SEC23B: variants seen among roughly 807,000 people sequenced by gnomAD.
The protein encoded by SEC23B is protein transport protein Sec23B.
A neutral mutation model predicts 104.3 loss-of-function variants in SEC23B; 77 were observed. The ratio of observed to expected loss-of-function variants is 0.74; its 90% confidence interval spans 0.61 to 0.89. SEC23B has a LOEUF of 0.89. Ranked by LOEUF, SEC23B falls within the 40% of genes least tolerant of loss-of-function variation. The pLI, the probability that SEC23B is intolerant of heterozygous loss-of-function variation, is 0.00. For missense variants in SEC23B, 885 were observed against 949.4 expected, an observed-to-expected ratio of 0.93 and a Z score of 0.89; for synonymous variants, 338 against 332.5, an observed-to-expected ratio of 1.02 and a Z score of -0.18.
At chr20:18,532,462 T>A (rs1427595738) in intron 10 of SEC23B, among the ~76,000 whole-genome samples, 1 of 152,204 alleles carries the variant, frequency 6.6e-6, no homozygotes, top group East Asian at 1.9e-4. Flanking sequence ...TTTCAAGTGT[T>A]TCTAAGGGTG....
chr20:18,507,919 G>A (rs2059944503), upstream of SEC23B: 1 of 152,622 alleles, frequency 6.6e-6, no homozygotes, highest in Middle Eastern at 3.2e-3. Flanking sequence ...TGGACTTGGC[G>A]GTGGGAGCCG....
chr20:18,526,396 C>T lies in SEC23B; in HGVS notation c.858C>T (p.Ala286=). 1 of 1,614,150 alleles carries T rather than the reference C, an allele frequency of 6.2e-7. No individual in the cohort carries two copies. ...LLEGTFPNTG[A]RIMLFTGGPP... is the part of the protein sequence containing the mutation. ...AGGGCACTTTTCCAAACACAGGAGC[C>T]AGGATCATGCTGTTTACTGGAGGTC... The change falls in exon 8 of 20, where the codon GCC becomes GCT. Residue 286 remains alanine, a synonymous_variant. Transcript: ENST00000650089.
In SEC23B at chr20:18,543,002, AACTC is replaced by A. The variant is rs1282219359; in HGVS notation, c.1512-16_1512-13del. On this transcript the variant is annotated splice_polypyrimidine_tract_variant and intron_variant, in intron 13 of 19. Transcript: ENST00000650089. ...CTCTCCTAAACATAAGCATGGCACT[AACTC>A]TGGAATTGTCAGTTGGGCAGATGTA... 2.5e-6 allele frequency: 4 copies of A among 1,614,044 alleles called. No homozygotes were observed. Among genetic ancestry groups the A allele is most frequent in the Middle Eastern group, 3.3e-4 (2 of 6,062 alleles).
rs368413002 is a variant in SEC23B at position 18,515,698 on chromosome 20, T to C, written c.328T>C (p.Leu110=). 2.3e-5 allele frequency: 37 copies of C among 1,612,120 alleles called. 1 individual carries two copies. The highest frequency in any genetic ancestry group is 8.3e-5 in the Admixed American group (5 of 60,008). The part of the protein sequence containing the change: ...GISEVNQPAE[L]MPQFSTIEYV... ...ATCTGAGGTGAATCAACCTGCCGAA[T>C]TGATGCCCCAGTTTTCTACAATTGA... The change falls in exon 4 of 20, where the codon TTG becomes CTG. Residue 110 remains leucine, a synonymous_variant. Coordinates refer to ENST00000650089, the MANE Select transcript of SEC23B (RefSeq NM_006363.6).
chr20:18,522,451 G>C (rs998226946), intron 4 of SEC23B, among the ~76,000 whole-genome samples: 1 of 152,238 alleles, frequency 6.6e-6, no homozygotes, highest in Admixed American at 6.5e-5. Context: ...AGGACAGGGA[G>C]ATTGAAGGGT....
At chr20:18,510,789 A>G (rs1484958959) in intron 1 of SEC23B, 33 bp from the exon 2 acceptor site, 1 of 1,491,890 alleles carries the variant, frequency 6.7e-7, no homozygotes, top group East Asian at 2.3e-5. Flanking sequence ...AGAATTTCAC[A>G]TACCATTAAG....
chr20:18,550,125 TTA>T (rs2080488504), intron 16 of SEC23B, among the ~76,000 whole-genome samples: 1 of 148,366 alleles, frequency 6.7e-6, no homozygotes, highest in Non-Finnish European at 1.5e-5. Flanking sequence ...AATTATATAC[TTA>T]TATAATATAA....
At chr20:18,511,128 A>G in intron 2 of SEC23B, 72 bp downstream of exon 2, 2 of 1,308,234 alleles carry the variant, frequency 1.5e-6, no homozygotes, top group Non-Finnish European at 2.2e-6. Context: ...TGCTCATAAA[A>G]GTCATTAAAT....
Position 18,544,901 on chromosome 20 carries a change from A to G in SEC23B, c.1666-1055A>G, listed in dbSNP as rs111391364. Among the ~76,000 whole-genome samples, 1,117 of 145,616 alleles carry G rather than the reference A, an allele frequency of 7.7e-3. 9 individuals carry two copies. The highest frequency in any genetic ancestry group is 0.012 in the Non-Finnish European group (811 of 65,464). On this transcript the variant is annotated intron_variant, in intron 14 of 19. Transcript: ENST00000650089. The stretch of plus-strand genomic sequence containing the variant: ...GTGTAAAGTCAAAAACCAAAAAGTC[A>G]GCACTGAATGACATTTCACACATGG...
chr20:18,555,476 C>G (rs973521869), intron 19 of SEC23B, among the ~76,000 whole-genome samples: 5 of 152,022 alleles, frequency 3.3e-5, no homozygotes, highest in Non-Finnish European at 5.9e-5. Flanking sequence ...AGCCTCATGG[C>G]CCCTAGTCCT....
chr20:18,555,678 A>AT (rs1491299662), intron 19 of SEC23B, among the ~76,000 whole-genome samples: 3 of 152,014 alleles, frequency 2.0e-5, no homozygotes, highest in Non-Finnish European at 4.4e-5. Context: ...TTTAAATTAA[A>AT]TTTTTTTGAG....
chr20:18,527,766 C>A (rs2060147146), intron 9 of SEC23B, among the ~76,000 whole-genome samples, 155 bp downstream of exon 9: 1 of 152,092 alleles, frequency 6.6e-6, no homozygotes, highest in African/African-American at 2.4e-5. Context: ...CCTGTGGGCT[C>A]CTTGGAGAGG....
chr20:18,537,561 G>T (rs2060244926), intron 12 of SEC23B, among the ~76,000 whole-genome samples: 1 of 151,882 alleles, frequency 6.6e-6, no homozygotes. Flanking sequence ...ACAGGAAGGG[G>T]AACATCACAC....
intron 13 of SEC23B, 54 bp downstream of exon 13, chr20:18,542,456 G>A (rs866859004): frequency 7.0e-7 from 1 of 1,425,186 alleles, no homozygotes; most frequent in Non-Finnish European, 9.9e-7. Context: ...TTTTTCCCTT[G>A]AAGAGATACT....
chr20:18,544,216 A>C (rs1219141024), intron 14 of SEC23B, among the ~76,000 whole-genome samples: 1 of 152,244 alleles, frequency 6.6e-6, no homozygotes, highest in African/African-American at 2.4e-5. Flanking sequence ...GTTTGTGATC[A>C]AAGCCACCAT....
Position 18,512,214 on chromosome 20 carries a change from CT to C in SEC23B, c.222-8del. 1 of 1,557,042 alleles carries C rather than the reference CT, an allele frequency of 6.4e-7. No homozygotes were observed. Among genetic ancestry groups the C allele is most frequent in the African/African-American group, 1.4e-5 (1 of 73,858 alleles). On this transcript the variant is annotated splice_polypyrimidine_tract_variant and intron_variant, in intron 2 of 19. Transcript: ENST00000650089. ...AGTGGTACCTACTTATAATATTTATCTTTCTCACAGTCAGGTTGATTATCGA... is the reference window on the plus strand; with the variant it reads ...AGTGGTACCTACTTATAATATTTATCTTCTCACAGTCAGGTTGATTATCGA...
intron 16 of SEC23B, among the ~76,000 whole-genome samples, chr20:18,549,134 G>A (rs2060362222): frequency 6.6e-6 from 1 of 151,900 alleles, no homozygotes; most frequent in Admixed American, 6.6e-5. Context: ...TATAATAGAG[G>A]ATCAAATAAC....
intron 12 of SEC23B, among the ~76,000 whole-genome samples, chr20:18,536,579 C>T (rs1189284335): frequency 1.3e-5 from 2 of 151,948 alleles, no homozygotes; most frequent in Admixed American, 1.3e-4. Flanking sequence ...GTAGTCCCAG[C>T]TACTTGGGAG....
At chr20:18,559,334 A>G (rs1291202358) in intron 19 of SEC23B, among the ~76,000 whole-genome samples, 1 of 152,144 alleles carries the variant, frequency 6.6e-6, no homozygotes, top group African/African-American at 2.4e-5. Flanking sequence ...GCGGAGGGAC[A>G]TATATTTTGC....
Sources: allele counts gnomAD v4.1 joint callset (sites outside exome capture counted in the v4.1 genomes callset), GRCh38; gene constraint gnomAD v4.1.1; transcripts MANE v1.5; gene names NCBI Gene and HGNC (gene_info 2026-07-23, HGNC 2026-07-21).